The following APEH variants were observed in gnomAD, a reference collection of about 807,000 sequenced individuals.
APEH encodes the protein acylamino-acid-releasing enzyme.
Under a neutral mutation model 102.7 loss-of-function variants are expected in APEH, and 75 were observed. The observed-to-expected ratio is 0.73, with a 90% CI of 0.61 to 0.89. The LOEUF is 0.89. Ranked by LOEUF, APEH falls within the 40% of genes least tolerant of loss-of-function variation. The pLI, the probability that APEH is intolerant of heterozygous loss-of-function variation, is 0.00. For synonymous variants in APEH, 344 were observed against 362.7 expected (o/e 0.95, Z 0.59); for missense variants, 863 against 941.2 (o/e 0.92, Z 1.09).
intron 3 of APEH, 45 bp from the exon 4 acceptor site, chr3:49,675,649 G>T: frequency 6.5e-7 from 1 of 1,540,680 alleles, no homozygotes; most frequent in South Asian, 1.1e-5. Flanking sequence ...AGCAGGAAGG[G>T]GTTATTGCAA....
Position 49,675,036 on chromosome 3 carries a change from T to C in APEH, c.146-147T>C, listed in dbSNP as rs1575463663. 6.9e-6 allele frequency: 8 copies of C among 1,166,390 alleles called. No homozygotes were observed. In the East Asian group the frequency reaches 1.8e-4, roughly 26 times the overall value. 72.3% of individuals were successfully genotyped at this position (1,166,390 alleles called of 1,614,324 possible). On this transcript the variant is annotated intron_variant, in intron 2 of 21. Coordinates refer to ENST00000296456, the MANE Select transcript of APEH (RefSeq NM_001640.4). ...GGACTAGGGTTGTGGCCAAGTGTTG[T>C]CCAGCCTGCAGCCAGGGTGTCAGTG...
upstream of APEH, chr3:49,674,078 C>A: frequency 4.3e-6 from 2 of 462,978 alleles, no homozygotes; most frequent in Non-Finnish European, 7.6e-6. Flanking sequence ...AGGGCCGCCC[C>A]CTCTCCTCCG....
chr3:49,679,003 C>T lies in APEH; in HGVS notation c.1158+54C>T, dbSNP rs1352706113. The T allele has an allele frequency of 2.1e-6, 3 of 1,449,690 alleles. No individual in the cohort carries two copies. Among genetic ancestry groups the T allele is most frequent in the Non-Finnish European group, 9.6e-7 (1 of 1,037,686 alleles). The allele number at this position is 1,449,690 out of a possible 1,614,324, so 89.8% of individuals were successfully genotyped here. A position where few individuals can be genotyped will look rare whatever the true frequency, so the allele number is the denominator to read the frequency against. ...AGCCCCTGTGGTCAACCCCCAGGAG[C>T]CCTGGGGGTTGCATGTGCATGCCCC... On this transcript the variant is annotated intron_variant, in intron 12 of 21. Coordinates refer to ENST00000296456, the MANE Select transcript of APEH (RefSeq NM_001640.4). This position sits in a 1 kb window ranked among gnomAD's most constrained non-coding sequence, Gnocchi z 4.3.
At chr3:49,678,679 A>T (rs1575472523) in intron 11 of APEH, among the ~76,000 whole-genome samples, 173 bp from the exon 12 acceptor site, 1 of 152,018 alleles carries the variant, frequency 6.6e-6, no homozygotes, top group South Asian at 2.1e-4. Flanking sequence ...TCAGCCACCT[A>T]CTCAGGCAGC....
Position 49,683,265 on chromosome 3 carries a change from G to A in APEH, c.2122G>A (p.Ala708Thr), listed in dbSNP as rs376916831. ...RLLLYPKSTH[A>T]LSEVEVESDS... is the part of the protein sequence containing the mutation. The stretch of plus-strand genomic sequence containing the variant: ...CCTGCTCTATCCCAAAAGCACCCAC[G>A]CATTATCAGAGGTGGAGGTGGAGTC... The change falls in exon 22 of 22, where the codon GCA becomes ACA. Residue 708 changes from alanine to threonine, a missense_variant. Ala to Thr is a moderately conservative substitution (Grantham distance 58). Transcript: ENST00000296456. 208 of 1,613,874 alleles carry A rather than the reference G, an allele frequency of 1.3e-4. No homozygotes were observed. Among genetic ancestry groups the A allele is most frequent in the Non-Finnish European group, 1.7e-4 (198 of 1,179,948 alleles).
rs771337054 is a variant in APEH at position 49,682,483 on chromosome 3, G to A, written c.1692+47G>A. The A allele has an allele frequency of 3.7e-6, 6 of 1,612,362 alleles. No homozygotes were observed. In the Admixed American group the frequency reaches 6.7e-5, roughly 18 times the overall value. On this transcript the variant is annotated intron_variant, in intron 18 of 21. Coordinates refer to ENST00000296456, the MANE Select transcript of APEH (RefSeq NM_001640.4). ...GGACAGGCTGAAACATGGGCTGCCA[G>A]GGGGATGCCTCCATTCAGCTGAGCG...
chr3:49,675,790 G>T lies in APEH; in HGVS notation c.366+3G>T, dbSNP rs898269354. 1 of 1,613,862 alleles carries T rather than the reference G, an allele frequency of 6.2e-7. No individual in the cohort carries two copies. The highest frequency in any genetic ancestry group is 8.5e-7 in the Non-Finnish European group (1 of 1,179,744). On this transcript the variant is annotated splice_donor_region_variant and intron_variant, in intron 4 of 21. Transcript: ENST00000296456. ...GGGAAGAGAAGCAGTTCCTGGAGGT[G>T]AGTCTGCATGGGACCAGGTAGTGGG...
In APEH at chr3:49,680,532, C is replaced by G. The variant is rs769901250; in HGVS notation, c.1211-9C>G. 6.2e-7 allele frequency: 1 copy of G among 1,613,756 alleles called. No homozygotes were observed. The highest frequency in any genetic ancestry group is 1.3e-5 in the African/African-American group (1 of 75,060). On this transcript the variant is annotated splice_polypyrimidine_tract_variant and intron_variant, in intron 13 of 21. Coordinates refer to ENST00000296456, the MANE Select transcript of APEH (RefSeq NM_001640.4). Reference sequence around the variant, plus strand: ...CTGCTAAGCACTTAATGGCATCTGCCTTTTCCAGGAGGGTCAGGTGGGAGC... The same window carrying G: ...CTGCTAAGCACTTAATGGCATCTGCGTTTTCCAGGAGGGTCAGGTGGGAGC...
intron 2 of APEH, 122 bp downstream of exon 2, chr3:49,674,743 G>A (rs1451181539): frequency 7.4e-7 from 1 of 1,346,422 alleles, no homozygotes; most frequent in African/African-American, 1.4e-5. Context: ...GCCTGGACTT[G>A]GAGGTTACAC....
At chr3:49,681,988 A>G (rs771807875) in intron 17 of APEH, 21 bp downstream of exon 17, 5 of 1,603,830 alleles carry the variant, frequency 3.1e-6, no homozygotes, top group South Asian at 1.1e-5. Context: ...AGGGACCCAC[A>G]GTTCTGTTAG....
chr3:49,675,273 C>G lies in APEH; in HGVS notation c.236C>G (p.Ala79Gly). 1 of 1,613,932 alleles carries G rather than the reference C, an allele frequency of 6.2e-7. No homozygotes were observed. The highest frequency in any genetic ancestry group is 8.5e-7 in the Non-Finnish European group (1 of 1,179,946). ...VFHDGDSVVF[A>G]GPAGNSVETR... The stretch of plus-strand genomic sequence containing the variant: ...CATGACGGGGACTCAGTGGTGTTTG[C>G]AGGACCTGCAGGCAACAGTGTGGAG... The change falls in exon 3 of 22, where the codon GCA becomes GGA. Residue 79 changes from alanine (A) to glycine (G), a missense_variant. Ala to Gly is a moderately conservative substitution (Grantham distance 60). Transcript: ENST00000296456.
chr3:49,682,422 G>A lies in APEH; in HGVS notation c.1678G>A (p.Val560Met). ...CCCAGGCAATGTGGGCCACCAGGATGTGAAGGATGTCCAGGTAGCAGGGGC... is the reference window on the plus strand; with the variant it reads ...CCCAGGCAATGTGGGCCACCAGGATATGAAGGATGTCCAGGTAGCAGGGGC... The part of the protein sequence containing the change: ...SLPGNVGHQD[V>M]KDVQFAVEQV... The change falls in exon 18 of 22, where the codon GTG becomes ATG. Residue 560 changes from valine (V) to methionine (M), a missense_variant. Physicochemically the swap from Val to Met is conservative, Grantham distance 21. Coordinates refer to ENST00000296456, the MANE Select transcript of APEH (RefSeq NM_001640.4). The A allele has an allele frequency of 1.2e-6, 2 of 1,614,050 alleles. No homozygotes were observed. The highest frequency in any genetic ancestry group is 1.1e-5 in the South Asian group (1 of 91,082).
At position 49,676,452 on chromosome 3, in the gene APEH, G is replaced by T; in HGVS notation, c.681G>T (p.Leu227=). The T allele has an allele frequency of 1.2e-6, 2 of 1,614,248 alleles. No homozygotes were observed. The highest frequency in any genetic ancestry group is 1.7e-6 in the Non-Finnish European group (2 of 1,180,032). ...VSKSIPVLCV[L]DVESGNISVL... ...AAAGCATCCCTGTGCTCTGCGTGCT[G>T]GATGTCGAGAGTGGCAACATCTCTG... The change falls in exon 7 of 22, where the codon CTG becomes CTT. Residue 227 remains leucine, a synonymous_variant. Transcript: ENST00000296456.
At chr3:49,682,284 A>G (rs746368153) in intron 17 of APEH, 64 bp from the exon 18 acceptor site, 79 of 1,469,856 alleles carry the variant, frequency 5.4e-5, no homozygotes, top group Non-Finnish European at 6.8e-5. Context: ...AGATGTGTGA[A>G]AAGAGCGTCG....
In APEH at chr3:49,675,975, T is replaced by C. The variant is rs2053025362; in HGVS notation, c.442+9T>C. Reference sequence around the variant, plus strand: ...GCCTGTTTATGAGGATGGTGAGGCATCTGGCTGGTGAGCAGGCAGGGTGGA... The same window carrying C: ...GCCTGTTTATGAGGATGGTGAGGCACCTGGCTGGTGAGCAGGCAGGGTGGA... On this transcript the variant is annotated intron_variant, in intron 5 of 21. Transcript: ENST00000296456. 6.2e-7 allele frequency: 1 copy of C among 1,614,088 alleles called. No homozygotes were observed. The highest frequency in any genetic ancestry group is 1.1e-5 in the South Asian group (1 of 91,090).
rs751613210 is a variant in APEH, at chr3:49,674,398, G to A, written c.-4G>A. 3 of 1,576,424 alleles carry A rather than the reference G, an allele frequency of 1.9e-6. No individual in the cohort carries two copies. In the South Asian group the frequency reaches 3.4e-5, roughly 18 times the overall value. ...CGCCTCGCCCCGGCGGCAGAGAGGA[G>A]ACTATGGAACGTCAGGTGAGGGCTC... On this transcript the variant is annotated 5_prime_UTR_variant, in exon 1 of 22. Coordinates refer to ENST00000296456, the MANE Select transcript of APEH (RefSeq NM_001640.4).
intron 13 of APEH, 112 bp from the exon 14 acceptor site, chr3:49,680,429 G>T: frequency 1.1e-6 from 1 of 948,470 alleles, no homozygotes; most frequent in Non-Finnish European, 1.7e-6. Flanking sequence ...CACTTCTCGG[G>T]GAGAAAAGGG....
intron 15 of APEH, 100 bp from the exon 16 acceptor site, chr3:49,681,622 C>T (rs1337786692): frequency 8.7e-7 from 1 of 1,148,060 alleles, no homozygotes; most frequent in African/African-American, 1.6e-5. Flanking sequence ...TTGGCCAGGT[C>T]TCTGACCCAG....
At position 49,676,825 on chromosome 3, in the gene APEH, G is replaced by A. The variant is rs752189204; in HGVS notation, c.877+8G>A. ...TCATCGGGGGGAAGTGTGGTAAGTGGCTGATGCCCACCTGTGCTTTGCTGA... is the reference window on the plus strand; with the variant it reads ...TCATCGGGGGGAAGTGTGGTAAGTGACTGATGCCCACCTGTGCTTTGCTGA... On this transcript the variant is annotated splice_region_variant and intron_variant, in intron 9 of 21. Coordinates refer to ENST00000296456, the MANE Select transcript of APEH (RefSeq NM_001640.4). 12 of 1,614,136 alleles carry A rather than the reference G, an allele frequency of 7.4e-6. No homozygotes were observed. The highest frequency in any genetic ancestry group is 1.0e-5 in the Non-Finnish European group (12 of 1,180,058).
Sources: gnomAD v4.1 joint callset for allele counts (sites outside exome capture counted in the v4.1 genomes callset) on GRCh38, gnomAD v4.1.1 for gene constraint, Gnocchi (gnomAD v3.1) non-coding constraint, MANE v1.5 for transcripts, NCBI Gene and HGNC (gene_info 2026-07-23, HGNC 2026-07-21) for gene names.